The following ARHGAP15 variants were observed in gnomAD, a reference collection of about 807,000 sequenced individuals.
ARHGAP15 encodes the protein Rho GTPase activating protein 15.
Under a neutral mutation model 63.7 loss-of-function variants are expected in ARHGAP15, and 51 were observed. That is an observed-to-expected ratio of 0.80 (90% CI 0.64 to 1.01). The LOEUF (loss-of-function observed/expected upper bound fraction) is 1.01, where lower values mean the gene tolerates loss of function less well. Ranked by LOEUF, ARHGAP15 falls within the 50% of genes least tolerant of loss-of-function variation. ARHGAP15 has a pLI of 0.00. For missense variants in ARHGAP15, 560 were observed against 564.6 expected (o/e 0.99, Z 0.08); for synonymous variants, 191 against 193.8 (o/e 0.99, Z 0.12).
At chr2:143,602,167 A>G (rs1177173097) in intron 11 of ARHGAP15, among the ~76,000 whole-genome samples, 1 of 152,168 alleles carries the variant, frequency 6.6e-6, no homozygotes, top group Non-Finnish European at 1.5e-5. Context: ...AAAAGTTTTT[A>G]CTAATGGTTG....
intron 11 of ARHGAP15, among the ~76,000 whole-genome samples, chr2:143,618,873 C>T (rs982530236): frequency 2.0e-5 from 3 of 151,834 alleles, no homozygotes; most frequent in African/African-American, 7.3e-5. Context: ...GCTCCGTCAC[C>T]GAGGCGGATG....
intron 11 of ARHGAP15, among the ~76,000 whole-genome samples, chr2:143,610,992 G>A (rs776578849): frequency 6.6e-6 from 1 of 152,082 alleles, no homozygotes; most frequent in African/African-American, 2.4e-5. Flanking sequence ...GCCTCCCAAA[G>A]TTCTAGGATT....
intron 1 of ARHGAP15, among the ~76,000 whole-genome samples, chr2:143,129,756 A>G (rs1421735558): frequency 6.6e-6 from 1 of 152,196 alleles, no homozygotes; most frequent in Non-Finnish European, 1.5e-5. Flanking sequence ...TTTGAAGTGC[A>G]TTTAAAAATA....
chr2:143,302,474 G>T (rs1394472936), intron 6 of ARHGAP15, among the ~76,000 whole-genome samples: 1 of 151,882 alleles, frequency 6.6e-6, no homozygotes, highest in East Asian at 1.9e-4. Context: ...GTCCAATGTG[G>T]TGTGAAATTC....
At chr2:143,184,027 C>G (rs1176646992) in intron 2 of ARHGAP15, among the ~76,000 whole-genome samples, 1 of 152,104 alleles carries the variant, frequency 6.6e-6, no homozygotes, top group South Asian at 2.1e-4. Flanking sequence ...CGCCCAAGTC[C>G]CAGGAAGAAA....
chr2:143,757,483 C>G (rs1686620959), intron 13 of ARHGAP15, among the ~76,000 whole-genome samples: 1 of 151,934 alleles, frequency 6.6e-6, no homozygotes, highest in African/African-American at 2.4e-5. Context: ...TACATTCCAG[C>G]CTGGGTGACA....
chr2:143,146,577 C>T (rs958667048), intron 1 of ARHGAP15, among the ~76,000 whole-genome samples: 1 of 151,922 alleles, frequency 6.6e-6, no homozygotes, highest in African/African-American at 2.4e-5. Flanking sequence ...CAGTTTGTGA[C>T]AGTTCATTGA....
chr2:143,531,965 A>G (rs560671754), intron 10 of ARHGAP15, among the ~76,000 whole-genome samples: 5 of 152,352 alleles, frequency 3.3e-5, no homozygotes, highest in African/African-American at 7.2e-5. Context: ...TTATGCTTTG[A>G]ATGGACAGAC....
chr2:143,145,953 A>T (rs1258313285), intron 1 of ARHGAP15, among the ~76,000 whole-genome samples: 1 of 151,524 alleles, frequency 6.6e-6, no homozygotes, highest in Admixed American at 6.6e-5. Context: ...AAACACAAAC[A>T]TTATTTCCAG....
chr2:143,395,668 G>GA (rs1687725174), intron 6 of ARHGAP15, among the ~76,000 whole-genome samples: 1 of 152,058 alleles, frequency 6.6e-6, no homozygotes, highest in African/African-American at 2.4e-5. Flanking sequence ...ATGCATGAGT[G>GA]AAAAGAGAAT....
At chr2:143,303,224 C>A (rs1327013406) in intron 6 of ARHGAP15, among the ~76,000 whole-genome samples, 2 of 151,900 alleles carry the variant, frequency 1.3e-5, no homozygotes, top group African/African-American at 4.8e-5. Flanking sequence ...AGTGAACAGG[C>A]AACCTAGAGA....
rs552312825 is a variant in ARHGAP15 at position 143,412,779 on chromosome 2, CTT to C, written c.475-22819_475-22818del. Among the ~76,000 whole-genome samples, 8 of 152,242 alleles carry C rather than the reference CTT, an allele frequency of 5.3e-5. No individual in the cohort carries two copies. In the South Asian group the frequency reaches 1.5e-3, roughly 28 times the overall value. On this transcript the variant is annotated intron_variant, in intron 6 of 13. Transcript: ENST00000295095. The stretch of plus-strand genomic sequence containing the variant: ...AAATACAGCTTCTCCTCTCTCTCCT[CTT>C]TTACTGAGACCCCAGTTATACATCT...
At chr2:143,520,827 T>C (rs766812639) in intron 10 of ARHGAP15, among the ~76,000 whole-genome samples, 2 of 152,176 alleles carry the variant, frequency 1.3e-5, no homozygotes, top group African/African-American at 2.4e-5. Flanking sequence ...AAAACCCAAA[T>C]AGGGCGTTGG....
At chr2:143,290,846 C>A (rs1682361322) in intron 6 of ARHGAP15, among the ~76,000 whole-genome samples, 1 of 152,124 alleles carries the variant, frequency 6.6e-6, no homozygotes, top group Non-Finnish European at 1.5e-5. Context: ...AGATTACTCA[C>A]TTCTCAAGTA....
intron 12 of ARHGAP15, among the ~76,000 whole-genome samples, chr2:143,668,026 A>G (rs530505719): frequency 6.6e-6 from 1 of 151,948 alleles, no homozygotes; most frequent in African/African-American, 2.4e-5. Flanking sequence ...TTAAAAATAC[A>G]TATTTTTAAA....
At chr2:143,635,193 G>GTTTTT (rs1680242796) in intron 12 of ARHGAP15, among the ~76,000 whole-genome samples, 1 of 62,752 alleles carries the variant, frequency 1.6e-5, no homozygotes, top group African/African-American at 6.2e-5. Flanking sequence ...CCTCTCAGGA[G>GTTTTT]CTTTTTTTTT....
At chr2:143,689,823 C>T (rs149800865) in intron 12 of ARHGAP15, among the ~76,000 whole-genome samples, 2 of 152,310 alleles carry the variant, frequency 1.3e-5, no homozygotes, top group Admixed American at 1.3e-4. Flanking sequence ...TACACAATTC[C>T]TATGGGGATA....
At chr2:143,447,410 G>T (rs1325167298) in intron 8 of ARHGAP15, among the ~76,000 whole-genome samples, 1 of 152,120 alleles carries the variant, frequency 6.6e-6, no homozygotes, top group South Asian at 2.1e-4. Flanking sequence ...CCACTTATAA[G>T]GAGTAAACTG....
chr2:143,531,538 A>T (rs558889624), intron 10 of ARHGAP15, among the ~76,000 whole-genome samples: 15 of 152,368 alleles, frequency 9.8e-5, no homozygotes, highest in African/African-American at 3.4e-4. Context: ...AGTTGTATCC[A>T]ACATGCAAAC....
Sources: allele counts gnomAD v4.1 joint callset (sites outside exome capture counted in the v4.1 genomes callset), GRCh38; gene constraint gnomAD v4.1.1; transcripts MANE v1.5; gene names NCBI Gene and HGNC (gene_info 2026-07-23, HGNC 2026-07-21).